Variants in FAM217B observed in about 807,000 individuals in gnomAD.
FAM217B encodes the protein protein FAM217B.
For synonymous variants in FAM217B, 163 were observed against 173.0 expected (o/e 0.94, Z 0.45); for missense variants, 463 against 456.9 (o/e 1.01, Z -0.12).
chr20:59,939,622 G>T, upstream of FAM217B: 1 of 1,586,424 alleles, frequency 6.3e-7, no homozygotes, highest in Non-Finnish European at 8.6e-7. Context: ...TCGGCGAAGC[G>T]CACGCGGAGC....
At chr20:59,939,711 G>T, upstream of FAM217B, 2 of 1,323,308 alleles carry the variant, frequency 1.5e-6, no homozygotes, top group South Asian at 4.2e-5. Context: ...GCTGGGCAGT[G>T]AGCGCGCCCG....
At position 59,946,962 on chromosome 20, in the gene FAM217B, T is replaced by G. The variant is rs1055278405; in HGVS notation, c.*1867T>G. 4 of 167,132 alleles carry G rather than the reference T, an allele frequency of 2.4e-5. No individual in the cohort carries two copies. The highest frequency in any genetic ancestry group is 7.2e-5 in the African/African-American group (3 of 41,466). The allele number at this position is 167,132 out of a possible 1,614,324, so 10.4% of individuals were successfully genotyped here. On this transcript the variant is annotated 3_prime_UTR_variant, in exon 4 of 4. Transcript: ENST00000360816. ...ACTTCACTTATGATCCTTTCTCTGC[T>G]AGATTTTTATGCAGCTCTCTATGAA...
rs764018014 is a variant in FAM217B, at chr20:59,944,564, G to GC, written c.627dup (p.Thr210HisfsTer16). ...AAAAAGCAAAGGGGGGCAAAGCAAG[G>GC]CCCCCCACTGCCCCTGGGACCTCAG... On this transcript the variant is annotated frameshift_variant, in exon 4 of 4. Transcript: ENST00000360816. LOFTEE classifies it low-confidence loss of function (END_TRUNC). 6.2e-6 allele frequency: 10 copies of GC among 1,613,712 alleles called. 1 individual carries two copies. In the Admixed American group the frequency reaches 8.3e-5, roughly 13 times the overall value.
rs2060941038 is a variant in FAM217B at position 59,947,055 on chromosome 20, T to C, written c.*1960T>C. The C allele has an allele frequency of 6.0e-6, 1 of 167,126 alleles. No individual in the cohort carries two copies. Among genetic ancestry groups the C allele is most frequent in the South Asian group, 2.1e-4 (1 of 4,834 alleles). The allele number at this position is 167,126 out of a possible 1,614,324, so 10.4% of individuals were successfully genotyped here. The stretch of plus-strand genomic sequence containing the variant: ...ATATGTGTATATGTATATATACTCC[T>C]TATGTTAATACTAAAGTGTTTATGC... On this transcript the variant is annotated 3_prime_UTR_variant, in exon 4 of 4. Transcript: ENST00000360816.
chr20:59,939,788 G>A, upstream of FAM217B: 1 of 1,226,854 alleles, frequency 8.2e-7, no homozygotes, highest in Non-Finnish European at 1.0e-6. Context: ...GCGGCGCGCG[G>A]CCCGGGCTCC....
At chr20:59,934,098 C>T (rs2060834622) in intron 1 of FAM217B, among the ~76,000 whole-genome samples, 2 of 152,164 alleles carry the variant, frequency 1.3e-5, no homozygotes, top group Admixed American at 1.3e-4. Flanking sequence ...CCAGCCAGCC[C>T]TGCAGGGGCG....
intron 1 of FAM217B, among the ~76,000 whole-genome samples, chr20:59,934,711 AATTAT>A (rs1230211327): frequency 6.6e-6 from 1 of 152,206 alleles, no homozygotes; most frequent in Non-Finnish European, 1.5e-5. Flanking sequence ...CAAAATTTAA[AATTAT>A]ATTTTAATAA....
rs2060936100 is a variant in FAM217B, at chr20:59,946,189, C to CA, written c.*1095dup. ...ATTCTAAACTCGCTTATCTGGTCTT[C>CA]AGGCTTCCCAACTCTCTCCAAGCCT... is the stretch of plus-strand genomic sequence containing the variant. On this transcript the variant is annotated 3_prime_UTR_variant, in exon 4 of 4. Transcript: ENST00000360816. 1 of 167,036 alleles carries CA rather than the reference C, an allele frequency of 6.0e-6. No individual in the cohort carries two copies. The highest frequency in any genetic ancestry group is 2.1e-4 in the South Asian group (1 of 4,826). The allele number at this position is 167,036 out of a possible 1,614,324, so 10.3% of individuals were successfully genotyped here.
chr20:59,938,862 T>C, upstream of FAM217B: 1 of 558,056 alleles, frequency 1.8e-6, no homozygotes, highest in East Asian at 3.3e-5. Flanking sequence ...CTCAGACGTT[T>C]CAAGTAGAAG....
upstream of FAM217B, chr20:59,939,920 G>T: frequency 7.9e-7 from 1 of 1,259,716 alleles, no homozygotes; most frequent in Non-Finnish European, 1.0e-6. Context: ...CGGAGCTCGG[G>T]CCTCTGGACA....
At chr20:59,934,118 G>C (rs946707869) in intron 1 of FAM217B, among the ~76,000 whole-genome samples, 1 of 152,128 alleles carries the variant, frequency 6.6e-6, no homozygotes, top group African/African-American at 2.4e-5. Context: ...GAGCTGGACC[G>C]GGGGACCAGG....
intron 3 of FAM217B, among the ~76,000 whole-genome samples, chr20:59,942,819 T>C (rs2145950804): frequency 6.6e-6 from 1 of 152,332 alleles, no homozygotes; most frequent in South Asian, 2.1e-4. Flanking sequence ...GGATGCATAC[T>C]GACAGGCAGG....
At chr20:59,937,500 A>T (rs1320447165), upstream of FAM217B, 1 of 152,360 alleles carries the variant, frequency 6.6e-6, no homozygotes, top group Admixed American at 6.5e-5. Context: ...TCAGAACCAA[A>T]CTGGTTAAAA....
upstream of FAM217B, among the ~76,000 whole-genome samples, chr20:59,936,285 A>C (rs995623192): frequency 8.5e-5 from 13 of 152,240 alleles, no homozygotes; most frequent in African/African-American, 2.9e-4. Flanking sequence ...GGCTGTACTT[A>C]CACCACTCTG....
At chr20:59,939,959 C>T (rs2060890163), upstream of FAM217B, 3 of 1,260,282 alleles carry the variant, frequency 2.4e-6, no homozygotes, top group Admixed American at 1.1e-4. Flanking sequence ...GAAGATGAGG[C>T]AGGGATGAGA....
At chr20:59,941,508 C>T (rs1320293973) in intron 1 of FAM217B, among the ~76,000 whole-genome samples, 2 of 152,082 alleles carry the variant, frequency 1.3e-5, no homozygotes, top group South Asian at 2.1e-4. Context: ...ACAGGTGATA[C>T]GGGAAAGAGA....
upstream of FAM217B, chr20:59,939,941 G>C (rs932853917): frequency 4.0e-6 from 5 of 1,264,952 alleles, no homozygotes; most frequent in East Asian, 1.2e-4. Context: ...TGGCCCCGCC[G>C]GCCGTCGGAA....
chr20:59,944,402 G>T lies in FAM217B; in HGVS notation c.459G>T (p.Trp153Cys). ...PNFLPSPFSS[W>C]DLRDMALLLN... The stretch of plus-strand genomic sequence containing the variant: ...TCCTTCCATCCCCTTTCAGCTCCTG[G>T]GACCTACGAGATATGGCCCTGCTTC... The change falls in exon 4 of 4, where the codon TGG (tryptophan) becomes TGT (cysteine). Residue 153 changes from tryptophan to cysteine, a missense_variant. Trp to Cys is a radical substitution (Grantham distance 215, BLOSUM62 -2). Coordinates refer to ENST00000360816, the MANE Select transcript of FAM217B (RefSeq NM_022106.3). 1 of 1,613,874 alleles carries T rather than the reference G, an allele frequency of 6.2e-7. No homozygotes were observed. Among genetic ancestry groups the T allele is most frequent in the Non-Finnish European group, 8.5e-7 (1 of 1,179,992 alleles).
chr20:59,938,972 G>A (rs1569004964), upstream of FAM217B: 1 of 1,426,388 alleles, frequency 7.0e-7, no homozygotes, highest in Non-Finnish European at 9.2e-7. Context: ...AGCCCAGCAG[G>A]GAAATGACAG....
Sources: gnomAD v4.1 joint callset for allele counts (sites outside exome capture counted in the v4.1 genomes callset) on GRCh38, gnomAD v4.1.1 for gene constraint, MANE v1.5 for transcripts, NCBI Gene and HGNC (gene_info 2026-07-23, HGNC 2026-07-21) for gene names.